The following FBN1 variants were observed in gnomAD, a reference collection of about 807,000 sequenced individuals.
The protein encoded by FBN1 is fibrillin-1.
FBN1 carries 29 observed loss-of-function variants against 365.1 expected under a neutral mutation model. The ratio of observed to expected loss-of-function variants is 0.08; its 90% CI spans 0.06 to 0.11. The LOEUF (loss-of-function observed/expected upper bound fraction) is 0.11. Ranked by LOEUF, FBN1 falls within the 10% of genes least tolerant of loss-of-function variation. FBN1 has a pLI of 1.00. For missense variants in FBN1, 2,476 were observed against 3,703.2 expected (o/e 0.67, Z 8.60); for synonymous variants, 1,210 against 1,270.5 (o/e 0.95, Z 1.01).
chr15:48,438,016 C>T, intron 50 of FBN1, 99 bp from the exon 51 acceptor site: 3 of 1,212,226 alleles, frequency 2.5e-6, no homozygotes, highest in Middle Eastern at 1.9e-4. Flanking sequence ...TATATGTTCT[C>T]CTCTCAGGAC....
intron 5 of FBN1, among the ~76,000 whole-genome samples, chr15:48,598,201 C>T (rs957628522): frequency 6.6e-6 from 1 of 152,224 alleles, no homozygotes; most frequent in African/African-American, 2.4e-5. Flanking sequence ...TGGGTTCCAA[C>T]CCCAACTCTG....
chr15:48,525,045 T>G (rs545023753), intron 9 of FBN1, among the ~76,000 whole-genome samples: 112 of 152,272 alleles, frequency 7.4e-4, no homozygotes, highest in African/African-American at 2.6e-3. Context: ...CACTGCACTT[T>G]TAAAGAAGTC....
chr15:48,525,849 A>C (rs1033025570), intron 9 of FBN1, among the ~76,000 whole-genome samples: 1 of 152,182 alleles, frequency 6.6e-6, no homozygotes, highest in Admixed American at 6.5e-5. Flanking sequence ...GGATGGCTTC[A>C]AGGTTTAATG....
At position 48,508,798 on chromosome 15, in the gene FBN1, TC is replaced by T. The variant is rs571099811; in HGVS notation, c.1715-95del. Reference sequence around the variant, plus strand: ...GAAAATAATTCTGTTTCTTCGTATTTCTTTCTTTTTGTTATTACAGCCTAAG... The same window carrying T: ...GAAAATAATTCTGTTTCTTCGTATTTTTTCTTTTTGTTATTACAGCCTAAG... On this transcript the variant is annotated intron_variant, in intron 14 of 65. Coordinates refer to ENST00000316623, the MANE Select transcript of FBN1 (RefSeq NM_000138.5). The T allele has an allele frequency of 1.7e-5, 25 of 1,488,952 alleles. No homozygotes were observed. The South Asian group carries it at 2.9e-4, about 17-fold the overall frequency. The allele number at this position is 1,488,952 out of a possible 1,614,324, so 92.2% of individuals were successfully genotyped here. A position where few individuals can be genotyped will look rare whatever the true frequency, so the allele number is the denominator to read the frequency against.
rs1169048403 is a variant in FBN1 at position 48,428,385 on chromosome 15, C to A, written c.6958G>T (p.Asp2320Tyr). 1 of 1,614,128 alleles carries A rather than the reference C, an allele frequency of 6.2e-7. No homozygotes were observed. Residue 2320 changes from aspartate (D) to tyrosine (Y), a missense_variant, in exon 57 of 66, where the codon GAT becomes TAT. Physicochemically the swap from Asp to Tyr is radical, Grantham distance 160. This residue lies in a region of FBN1 where 1,780 missense variants were observed against 2,840.8 expected (regional missense o/e 0.63). Transcript: ENST00000316623. ...TGGTTGGGGCTGGCGGTAAACCCAT[C>A]ATTACACTCACAGGTGTAGCTCCCA... Reference protein sequence around the residue: ...TRGSYTCECNDGFTASPNQDE... With the variant: ...TRGSYTCECNYGFTASPNQDE...
At chr15:48,543,795 A>T (rs1048500343) in intron 6 of FBN1, among the ~76,000 whole-genome samples, 1 of 152,216 alleles carries the variant, frequency 6.6e-6, no homozygotes, top group African/African-American at 2.4e-5. Flanking sequence ...TACATACTAC[A>T]TGACACTGCA....
At chr15:48,506,705 G>A (rs1342426899) in intron 15 of FBN1, among the ~76,000 whole-genome samples, 1 of 152,168 alleles carries the variant, frequency 6.6e-6, no homozygotes, top group Non-Finnish European at 1.5e-5. Flanking sequence ...ATTCAGCTTT[G>A]AACAGTCACA....
At chr15:48,425,558 G>A in intron 59 of FBN1, 67 bp from the exon 60 acceptor site, 2 of 1,605,330 alleles carry the variant, frequency 1.2e-6, no homozygotes, top group Middle Eastern at 1.7e-4. Context: ...AATTTCCACA[G>A]GGTCTAACGA....
intron 31 of FBN1, 135 bp downstream of exon 31, chr15:48,483,683 T>C (rs2043483576): frequency 1.0e-6 from 1 of 965,608 alleles, no homozygotes; most frequent in Non-Finnish European, 1.6e-6. Flanking sequence ...CTGGTTAAAA[T>C]ATGAGTATTG....
At position 48,425,754 on chromosome 15, in the gene FBN1, C is replaced by T. The variant is rs1292102366; in HGVS notation, c.7315G>A (p.Gly2439Arg). Residue 2439 changes from glycine to arginine, a missense_variant, in exon 59 of 66, where the codon GGG (glycine) becomes AGG (arginine). This residue lies in a region of FBN1 where 1,780 missense variants were observed against 2,840.8 expected (regional missense o/e 0.63). Coordinates refer to ENST00000316623, the MANE Select transcript of FBN1 (RefSeq NM_000138.5). Reference protein sequence around the residue: ...CKTGYTPDITGTSCVDLNECN... With the variant: ...CKTGYTPDITRTSCVDLNECN... ...AGACACTTACCTACACAGGAAGTCCCAGTTATATCTGGAGTGTACCCAGTT... is the reference window on the plus strand; with the variant it reads ...AGACACTTACCTACACAGGAAGTCCTAGTTATATCTGGAGTGTACCCAGTT... 1.9e-6 allele frequency: 3 copies of T among 1,613,426 alleles called. No homozygotes were observed. Among genetic ancestry groups the T allele is most frequent in the African/African-American group, 1.3e-5 (1 of 74,852 alleles).
chr15:48,456,829 A>G lies in FBN1; in HGVS notation c.5297-67T>C, dbSNP rs528671376. On this transcript the variant is annotated intron_variant, in intron 43 of 65. Coordinates refer to ENST00000316623, the MANE Select transcript of FBN1 (RefSeq NM_000138.5). ...TGATCCCTGTGCAGGGTAAGACAAG[A>G]TGGAAAGTGCGTGCGTGTGTGTGTG... The G allele has an allele frequency of 2.1e-6, 3 of 1,402,010 alleles. No individual in the cohort carries two copies. In the African/African-American group the frequency reaches 5.6e-5, roughly 26 times the overall value. 86.8% of individuals were successfully genotyped at this position (1,402,010 alleles called of 1,614,324 possible).
At chr15:48,488,746 G>C (rs1371244766) in intron 25 of FBN1, among the ~76,000 whole-genome samples, 1 of 152,156 alleles carries the variant, frequency 6.6e-6, no homozygotes, top group Non-Finnish European at 1.5e-5. Flanking sequence ...CTAGGGCCCA[G>C]CACACTGCCT....
chr15:48,411,086 T>C lies in FBN1; in HGVS notation c.8520A>G (p.Lys2840=). Residue 2840 remains lysine (K), a synonymous_variant, in exon 66 of 66, where the codon AAA becomes AAG. Coordinates refer to ENST00000316623, the MANE Select transcript of FBN1 (RefSeq NM_000138.5). ...ATTTGTCTTCTAGTTGGTTAAGTTC[T>C]TTCTTTTTATAAAGTGGAGTACTAC... The part of the protein sequence containing the change: ...QISSTPLYKK[K]ELNQLEDKYD... 6.2e-7 allele frequency: 1 copy of C among 1,614,058 alleles called. No homozygotes were observed. The highest frequency in any genetic ancestry group is 1.1e-5 in the South Asian group (1 of 91,054).
chr15:48,427,753 A>C lies in FBN1; in HGVS notation c.7018T>G (p.Phe2340Val). Residue 2340 changes from phenylalanine to valine, a missense_variant, in exon 58 of 66, where the codon TTC (phenylalanine) becomes GTC (valine). Phe to Val is a conservative substitution (Grantham distance 50). Coordinates refer to ENST00000316623, the MANE Select transcript of FBN1 (RefSeq NM_000138.5). ...CACATGTTTTGTAGCACCTCTGTGA[A>C]GCAGTACCCTTCCCGATTGTCTGGA... ...ECLDNREGYC[F>V]TEVLQNMCQI... 1 of 1,614,102 alleles carries C rather than the reference A, an allele frequency of 6.2e-7. No individual in the cohort carries two copies. Among genetic ancestry groups the C allele is most frequent in the South Asian group, 1.1e-5 (1 of 91,072 alleles).
intron 43 of FBN1, among the ~76,000 whole-genome samples, chr15:48,457,694 G>A (rs1368026712): frequency 1.3e-5 from 2 of 152,112 alleles, no homozygotes; most frequent in African/African-American, 4.8e-5. Flanking sequence ...AATAGTGACA[G>A]TATCTCATTT....
intron 2 of FBN1, 30 bp downstream of exon 2, chr15:48,644,576 C>G: frequency 6.2e-7 from 1 of 1,613,648 alleles, no homozygotes; most frequent in East Asian, 2.2e-5. Flanking sequence ...TTGGGAGACC[C>G]ACACCAAAGG....
Position 48,516,188 on chromosome 15 carries a change from G to A in FBN1, c.1322C>T (p.Pro441Leu). ...PVEYLYPSRE[P>L]PRVLPVNVTD... is the part of the protein sequence containing the mutation. ...GATGATTTTTGAATTCTTACTTGGT[G>A]GCTCCCGAGATGGATACAGATATTC... Residue 441 changes from proline to leucine, a missense_variant, in exon 11 of 66, where the codon CCA (proline) becomes CTA (leucine). Around this residue, in one of 5 missense-constraint regions of FBN1, gnomAD observed 421 missense variants for 520.1 expected, o/e 0.81. Coordinates refer to ENST00000316623, the MANE Select transcript of FBN1 (RefSeq NM_000138.5). 6.2e-7 allele frequency: 1 copy of A among 1,613,712 alleles called. No individual in the cohort carries two copies. The highest frequency in any genetic ancestry group is 8.5e-7 in the Non-Finnish European group (1 of 1,179,752).
chr15:48,611,494 T>C (rs1386102146), intron 3 of FBN1, among the ~76,000 whole-genome samples: 4 of 152,218 alleles, frequency 2.6e-5, no homozygotes, highest in Non-Finnish European at 5.9e-5. Context: ...TCTCCTGACC[T>C]TGTGATCCGC....
intron 2 of FBN1, among the ~76,000 whole-genome samples, chr15:48,638,765 T>C (rs929011864): frequency 6.6e-6 from 1 of 152,176 alleles, no homozygotes; most frequent in African/African-American, 2.4e-5. Flanking sequence ...CAATTTCCAC[T>C]GGAAAGAGAA....
Sources: gnomAD v4.1 joint callset for allele counts (sites outside exome capture counted in the v4.1 genomes callset) on GRCh38, gnomAD v4.1.1 for gene constraint, gnomAD v4.1.1 regional missense constraint, MANE v1.5 for transcripts, NCBI Gene and HGNC (gene_info 2026-07-23, HGNC 2026-07-21) for gene names.